Variants in PRKCH observed in about 807,000 individuals in gnomAD.
PRKCH encodes the protein protein kinase C eta.
A neutral mutation model predicts 82.5 loss-of-function variants in PRKCH; 28 were observed. That is an observed-to-expected ratio of 0.34 (90% CI 0.25 to 0.47). PRKCH has a LOEUF of 0.47. PRKCH is among the 20% of genes least tolerant of loss of function. PRKCH has a pLI of 1.00. For missense variants in PRKCH, 705 were observed against 881.8 expected, an observed-to-expected ratio of 0.80 and a Z score of 2.54; for synonymous variants, 322 against 327.4, an observed-to-expected ratio of 0.98 and a Z score of 0.18.
At chr14:61,374,348 G>A (rs1464217438) in intron 1 of PRKCH, among the ~76,000 whole-genome samples, 2 of 152,046 alleles carry the variant, frequency 1.3e-5, no homozygotes, top group African/African-American at 2.4e-5. Context: ...ACCATTCTGG[G>A]GTCTGGAGGA....
At chr14:61,281,595 C>T (rs1020341458) in intron 1 of PRKCH, 1 of 168,158 alleles carries the variant, frequency 5.9e-6, no homozygotes, top group Non-Finnish European at 1.5e-5. Flanking sequence ...TTCCAAGTGA[C>T]TAGAGTTCCT....
intron 2 of PRKCH, among the ~76,000 whole-genome samples, chr14:61,402,307 A>C (rs746830081): frequency 6.6e-6 from 1 of 152,252 alleles, no homozygotes. Flanking sequence ...TCATTGATAC[A>C]GTTTTATATT....
At chr14:61,273,516 A>G (rs2045175958) in intron 1 of PRKCH, among the ~76,000 whole-genome samples, 1 of 152,242 alleles carries the variant, frequency 6.6e-6, no homozygotes, top group African/African-American at 2.4e-5. Context: ...AAATGTGAAC[A>G]TTCATTAACA....
intron 10 of PRKCH, among the ~76,000 whole-genome samples, chr14:61,526,207 C>T (rs1026718998): frequency 2.0e-5 from 3 of 152,130 alleles, no homozygotes; most frequent in African/African-American, 7.2e-5. Flanking sequence ...ACAAATCAGC[C>T]CACTGAAAAC....
chr14:61,420,560 G>C (rs868221850), intron 2 of PRKCH, among the ~76,000 whole-genome samples: 1 of 152,334 alleles, frequency 6.6e-6, no homozygotes, highest in Middle Eastern at 3.4e-3. Flanking sequence ...AGTGCAGTGT[G>C]AATCAGCAGG....
intron 2 of PRKCH, among the ~76,000 whole-genome samples, chr14:61,418,246 C>T (rs185827894): frequency 2.6e-4 from 39 of 152,326 alleles, no homozygotes; most frequent in African/African-American, 6.7e-4. Context: ...TCTGACAGGT[C>T]GAGCTCATTC....
intron 12 of PRKCH, among the ~76,000 whole-genome samples, chr14:61,542,257 A>T (rs1033871560): frequency 6.6e-6 from 1 of 151,850 alleles, no homozygotes; most frequent in African/African-American, 2.4e-5. Context: ...GCACCATTGC[A>T]CTCCAGCCTA....
At position 61,248,828 on chromosome 14, in the gene PRKCH, C is replaced by T. The variant is rs79839470; in HGVS notation, c.-19+61160C>T. On this transcript the variant is annotated intron_variant, in intron 1 of 3. Transcript: ENST00000555185. The stretch of plus-strand genomic sequence containing the variant: ...TGTGTGTGTATGTATTTAGAGACAG[C>T]ATCCCACACTGTTGCCCAGGCTGAG... Among the ~76,000 whole-genome samples, 1,240 of 151,958 alleles carry T rather than the reference C, an allele frequency of 8.2e-3. 21 individuals carry two copies. The highest frequency in any genetic ancestry group is 0.028 in the African/African-American group (1,151 of 41,442).
At chr14:61,300,355 A>G (rs2045439639) in intron 1 of PRKCH, among the ~76,000 whole-genome samples, 2 of 152,348 alleles carry the variant, frequency 1.3e-5, no homozygotes, top group African/African-American at 4.8e-5. Context: ...GAATCTCCAT[A>G]TGACTATCAT....
rs189083869 is a variant in PRKCH, at chr14:61,526,154, A to C, written c.1434-2921A>C. Among the ~76,000 whole-genome samples, 6 of 152,286 alleles carry C rather than the reference A, an allele frequency of 3.9e-5. No homozygotes were observed. The East Asian group carries it at 1.2e-3, about 29-fold the overall frequency. On this transcript the variant is annotated intron_variant, in intron 10 of 13. Coordinates refer to ENST00000332981, the MANE Select transcript of PRKCH (RefSeq NM_006255.5). ...TTTGTAGGTTAAACTGGCTGTGCTC[A>C]TATTGTATTTATGTGGTGGGGCCAG...
intron 10 of PRKCH, among the ~76,000 whole-genome samples, chr14:61,528,409 G>C (rs1003202238): frequency 1.3e-5 from 2 of 152,104 alleles, no homozygotes; most frequent in Non-Finnish European, 2.9e-5. Flanking sequence ...GTCCAGGCTA[G>C]TTTCAAACTC....
chr14:61,357,579 C>T (rs931743923), intron 1 of PRKCH, among the ~76,000 whole-genome samples: 10 of 152,160 alleles, frequency 6.6e-5, no homozygotes, highest in Non-Finnish European at 1.2e-4. Context: ...ATGTTCTCTG[C>T]GTTTTCCATT....
intron 2 of PRKCH, among the ~76,000 whole-genome samples, chr14:61,399,804 C>A (rs1290044702): frequency 6.6e-6 from 1 of 152,024 alleles, no homozygotes; most frequent in Non-Finnish European, 1.5e-5. Flanking sequence ...TAAAGGTATT[C>A]TATTTTGTAC....
At chr14:61,364,118 C>T (rs983351217) in intron 1 of PRKCH, among the ~76,000 whole-genome samples, 2 of 150,848 alleles carry the variant, frequency 1.3e-5, no homozygotes, top group Non-Finnish European at 2.9e-5. Context: ...GGCGATCCTC[C>T]TGCCTTGGCC....
upstream of PRKCH, among the ~76,000 whole-genome samples, chr14:61,320,946 C>G (rs1404675474): frequency 2.0e-5 from 3 of 152,210 alleles, no homozygotes; most frequent in African/African-American, 7.2e-5. Context: ...CCATGTCTGT[C>G]TCCAGAAGAA....
Position 61,450,917 on chromosome 14 carries a change from G to A in PRKCH, c.778G>A (p.Asp260Asn), listed in dbSNP as rs748871758. Reference protein sequence around the residue: ...IHNYKVPTFCDHCGSLLWGIM... With the variant: ...IHNYKVPTFCNHCGSLLWGIM... ...CAACTACAAAGTGCCAACATTCTGC[G>A]ATCACTGTGGCTCACTGCTCTGGGG... The change falls in exon 6 of 14, where the codon GAT becomes AAT. Residue 260 changes from aspartate to asparagine, a missense_variant. Physicochemically the swap from Asp to Asn is conservative, Grantham distance 23. Around this residue, in one of 5 missense-constraint regions of PRKCH, gnomAD observed 15 missense variants for 40.7 expected, o/e 0.37. Transcript: ENST00000332981. 3.1e-6 allele frequency: 5 copies of A among 1,614,090 alleles called. No homozygotes were observed. The highest frequency in any genetic ancestry group is 1.7e-5 in the Admixed American group (1 of 60,020).
At chr14:61,321,222 C>T (rs2045614845), upstream of PRKCH, among the ~76,000 whole-genome samples, 1 of 152,250 alleles carries the variant, frequency 6.6e-6, no homozygotes, top group Non-Finnish European at 1.5e-5. The surrounding 1 kb of genome is among the most constrained non-coding windows in gnomAD (Gnocchi z 4.1). Context: ...GTCACCAGCC[C>T]ACCGGGGAGG....
chr14:61,197,442 T>C (rs2044448966), intron 1 of PRKCH, among the ~76,000 whole-genome samples: 1 of 152,178 alleles, frequency 6.6e-6, no homozygotes, highest in Non-Finnish European at 1.5e-5. Flanking sequence ...TGAGGAGCCA[T>C]GTCTGGTGAG....
chr14:61,481,640 A>C (rs752406267), intron 9 of PRKCH, among the ~76,000 whole-genome samples: 3 of 152,238 alleles, frequency 2.0e-5, no homozygotes, highest in Non-Finnish European at 2.9e-5. Flanking sequence ...CACACTCATC[A>C]TAGAAACTTT....
Sources: allele counts gnomAD v4.1 joint callset (sites outside exome capture counted in the v4.1 genomes callset), GRCh38; gene constraint gnomAD v4.1.1; regional missense constraint gnomAD v4.1.1; non-coding constraint Gnocchi (gnomAD v3.1); transcripts MANE v1.5; gene names NCBI Gene and HGNC (gene_info 2026-07-23, HGNC 2026-07-21).